The following LTBP1 variants were observed in gnomAD, a reference collection of about 807,000 sequenced individuals.
The protein encoded by LTBP1 is latent-transforming growth factor beta-binding protein 1.
A neutral mutation model predicts 207.6 loss-of-function variants in LTBP1; 129 were observed. That is an observed-to-expected ratio of 0.62 (90% CI 0.54 to 0.72). The LOEUF is 0.72. LTBP1 is among the 30% of genes least tolerant of loss of function. The probability of loss-of-function intolerance (pLI) is 0.00; values close to 1 mark genes in which losing one functional copy is unlikely to be tolerated. For missense variants in LTBP1, 2,281 were observed against 2,217.2 expected, an observed-to-expected ratio of 1.03 and a Z score of -0.58; for synonymous variants, 963 against 833.7, an observed-to-expected ratio of 1.16 and a Z score of -2.67.
At chr2:33,291,080 A>G (rs1414251785) in intron 19 of LTBP1, among the ~76,000 whole-genome samples, 2 of 152,196 alleles carry the variant, frequency 1.3e-5, no homozygotes, top group Non-Finnish European at 2.9e-5. Flanking sequence ...AAACTGTTCT[A>G]TCTACGGTGA....
At chr2:33,235,491 G>T (rs901782944) in intron 9 of LTBP1, among the ~76,000 whole-genome samples, 3 of 152,128 alleles carry the variant, frequency 2.0e-5, no homozygotes, top group African/African-American at 7.3e-5. Context: ...GGAAGACAGT[G>T]TGGTGATTCC....
At chr2:33,152,070 A>G (rs139389278) in intron 5 of LTBP1, among the ~76,000 whole-genome samples, 2,284 of 152,066 alleles carry the variant, frequency 0.015, 23 homozygotes, top group East Asian at 0.027. Flanking sequence ...AAATAGCTGC[A>G]ACTTAATTAA....
At chr2:33,163,274 C>A (rs1312484941) in intron 5 of LTBP1, among the ~76,000 whole-genome samples, 3 of 152,182 alleles carry the variant, frequency 2.0e-5, no homozygotes, top group Non-Finnish European at 2.9e-5. Flanking sequence ...CCACCACACC[C>A]AGCCTTTAAG....
At chr2:33,112,260 T>C (rs2080454203) in intron 4 of LTBP1, among the ~76,000 whole-genome samples, 1 of 152,212 alleles carries the variant, frequency 6.6e-6, no homozygotes, top group Admixed American at 6.5e-5. Context: ...TGATTTGTTA[T>C]TGGAATGAAA....
At chr2:33,151,266 T>A (rs889645098) in intron 5 of LTBP1, among the ~76,000 whole-genome samples, 65 of 152,318 alleles carry the variant, frequency 4.3e-4, no homozygotes, top group African/African-American at 1.3e-3. Flanking sequence ...TGCATATACC[T>A]AGAAGTGGAA....
At position 33,146,644 on chromosome 2, in the gene LTBP1, G is replaced by A. The variant is rs1393688669; in HGVS notation, c.1201+11684G>A. Among the ~76,000 whole-genome samples the A allele has an allele frequency of 2.0e-5, 3 of 152,228 alleles. No homozygotes were observed. The South Asian group carries it at 6.2e-4, about 31-fold the overall frequency. On this transcript the variant is annotated intron_variant, in intron 5 of 33. Transcript: ENST00000404816. The stretch of plus-strand genomic sequence containing the variant: ...ACTCACAGTTCCGCAAGCTGTACAG[G>A]AAGCATGGTTGGGGAGGCCTCAGGA...
chr2:32,957,983 C>G (rs1558436132), intron 2 of LTBP1, among the ~76,000 whole-genome samples: 2 of 152,176 alleles, frequency 1.3e-5, no homozygotes, highest in Non-Finnish European at 2.9e-5. Flanking sequence ...TACTCCTCTC[C>G]TCTCCCTTCT....
At chr2:33,374,678 G>A (rs2095114619) in intron 31 of LTBP1, among the ~76,000 whole-genome samples, 4 of 152,314 alleles carry the variant, frequency 2.6e-5, no homozygotes, top group Middle Eastern at 6.8e-3. Context: ...CTCTTGGCCC[G>A]GCACAGTGGC....
At chr2:33,180,954 C>T (rs2086562528) in intron 5 of LTBP1, among the ~76,000 whole-genome samples, 1 of 151,606 alleles carries the variant, frequency 6.6e-6, no homozygotes, top group African/African-American at 2.4e-5. Flanking sequence ...GAATATTATT[C>T]TAATCAGAGA....
At chr2:33,269,153 G>GA (rs764998047) in intron 15 of LTBP1, among the ~76,000 whole-genome samples, 1 of 152,030 alleles carries the variant, frequency 6.6e-6, no homozygotes, top group Non-Finnish European at 1.5e-5. Context: ...ACATGATGAA[G>GA]AAAAAAGCTA....
intron 4 of LTBP1, among the ~76,000 whole-genome samples, chr2:33,113,309 C>T (rs2080522176): frequency 6.6e-6 from 1 of 152,082 alleles, no homozygotes; most frequent in Admixed American, 6.5e-5. Context: ...TAATAGGAGA[C>T]AGTAGTCTAC....
intron 5 of LTBP1, among the ~76,000 whole-genome samples, chr2:33,176,806 C>T (rs749027357): frequency 5.3e-5 from 8 of 152,228 alleles, no homozygotes; most frequent in African/African-American, 1.4e-4. Context: ...ATAGTGATTT[C>T]GACACCTTGC....
At chr2:33,300,765 C>T (rs2093974792) in intron 21 of LTBP1, among the ~76,000 whole-genome samples, 192 bp downstream of exon 21, 1 of 152,136 alleles carries the variant, frequency 6.6e-6, no homozygotes, top group African/African-American at 2.4e-5. Context: ...AATTTGAAAA[C>T]CTATGGCATT....
intron 3 of LTBP1, among the ~76,000 whole-genome samples, chr2:33,049,838 T>C (rs2076634735): frequency 6.6e-6 from 1 of 152,058 alleles, no homozygotes; most frequent in Admixed American, 6.5e-5. Flanking sequence ...GGCTTTTTTT[T>C]TTCTTTTTTT....
At chr2:33,044,353 G>A (rs4577325) in intron 3 of LTBP1, among the ~76,000 whole-genome samples, 1 of 152,116 alleles carries the variant, frequency 6.6e-6, no homozygotes, top group Non-Finnish European at 1.5e-5. Flanking sequence ...TTACGAGTGA[G>A]AACATGTGGT....
intron 28 of LTBP1, 127 bp from the exon 29 acceptor site, chr2:33,363,263 T>TAG (rs1401080695): frequency 2.3e-6 from 2 of 881,366 alleles, no homozygotes; most frequent in African/African-American, 3.4e-5. Context: ...TATTGCTGTT[T>TAG]GTGTAGGATT....
intron 8 of LTBP1, among the ~76,000 whole-genome samples, chr2:33,220,669 A>T (rs1181017931): frequency 6.6e-6 from 1 of 152,186 alleles, no homozygotes. Flanking sequence ...GTTCATATCC[A>T]TCTCTTTTGA....
rs544157384 is a variant in LTBP1 at position 33,088,268 on chromosome 2, A to G, written c.864-22314A>G. ...GAAGTTCGAGACCAGCTTGGCCAAC[A>G]TGGCGAAACCCCATTTCTACTAAAG... On this transcript the variant is annotated intron_variant, in intron 3 of 33. Transcript: ENST00000404816. 1.1e-3 allele frequency among the ~76,000 whole-genome samples: 167 copies of G among 152,336 alleles called. 1 individual carries two copies. The highest frequency in any genetic ancestry group is 3.6e-3 in the African/African-American group (148 of 41,576).
At chr2:33,105,143 C>T (rs985692653) in intron 3 of LTBP1, among the ~76,000 whole-genome samples, 2 of 152,122 alleles carry the variant, frequency 1.3e-5, no homozygotes, top group African/African-American at 4.8e-5. Flanking sequence ...ACCAGCCTTC[C>T]TCCCAAAGTC....
Sources: allele counts gnomAD v4.1 joint callset (sites outside exome capture counted in the v4.1 genomes callset), GRCh38; gene constraint gnomAD v4.1.1; transcripts MANE v1.5; gene names NCBI Gene and HGNC (gene_info 2026-07-23, HGNC 2026-07-21).